SAMD4B: variants seen among roughly 807,000 people sequenced by gnomAD.
SAMD4B encodes sterile alpha motif domain containing 4B, also known as protein Smaug homolog 2.
In SAMD4B, 5 loss-of-function variants were observed where a neutral mutation model predicts 74.5. The ratio of observed to expected loss-of-function variants is 0.07; its 90% CI spans 0.04 to 0.14. SAMD4B has a LOEUF of 0.14. SAMD4B is among the 10% of genes least tolerant of loss of function. SAMD4B has a pLI of 1.00. For missense variants in SAMD4B, 608 were observed against 921.8 expected (o/e 0.66, Z 4.41); for synonymous variants, 373 against 374.9 (o/e 1.00, Z 0.06).
intron 3 of SAMD4B, among the ~76,000 whole-genome samples, chr19:39,361,351 T>C (rs939959444): frequency 1.3e-5 from 2 of 152,170 alleles, no homozygotes; most frequent in Admixed American, 1.3e-4. Context: ...GCGCCATGGC[T>C]CACACCTGTA....
chr19:39,344,672 C>G (rs1273330019), intron 1 of SAMD4B, among the ~76,000 whole-genome samples: 1 of 152,188 alleles, frequency 6.6e-6, no homozygotes, highest in Non-Finnish European at 1.5e-5. Flanking sequence ...CAGGGGGCCC[C>G]CTTTTCCCAT....
intron 3 of SAMD4B, among the ~76,000 whole-genome samples, chr19:39,361,228 T>G (rs1194497571): frequency 6.6e-6 from 1 of 152,142 alleles, no homozygotes; most frequent in Non-Finnish European, 1.5e-5. Context: ...ATGGACCAGT[T>G]AGAAAATCTT....
At chr19:39,388,098 A>G (rs1051892269), downstream of SAMD4B, among the ~76,000 whole-genome samples, 10 of 152,122 alleles carry the variant, frequency 6.6e-5, no homozygotes, top group Non-Finnish European at 1.3e-4. Context: ...CTGAGATCAC[A>G]CCACTGCACT....
intron 2 of SAMD4B, among the ~76,000 whole-genome samples, chr19:39,356,323 G>A (rs375777108): frequency 5.9e-5 from 9 of 152,212 alleles, no homozygotes; most frequent in African/African-American, 1.9e-4. Flanking sequence ...GGGCCAGATC[G>A]CCATCAATTC....
Position 39,383,543 on chromosome 19 carries a change from AGC to A in SAMD4B, c.*19_*20del. 1 of 1,614,226 alleles carries A rather than the reference AGC, an allele frequency of 6.2e-7. No homozygotes were observed. Among genetic ancestry groups the A allele is most frequent in the Non-Finnish European group, 8.5e-7 (1 of 1,180,040 alleles). ...CACCATCTGACGGGACCCACAGCCCAGCGCACCCATAGGCTCCCTGGGCGGCG... is the reference window on the plus strand; with the variant it reads ...CACCATCTGACGGGACCCACAGCCCAGCACCCATAGGCTCCCTGGGCGGCG... On this transcript the variant is annotated 3_prime_UTR_variant, in exon 14 of 14. Coordinates refer to ENST00000610417, the MANE Select transcript of SAMD4B (RefSeq NM_001384574.2). The surrounding 1 kb of genome is among the most constrained non-coding windows in gnomAD (Gnocchi z 4.1).
At position 39,369,876 on chromosome 19, in the gene SAMD4B, C is replaced by T; in HGVS notation, c.418C>T (p.Arg140Cys). 1.2e-6 allele frequency: 2 copies of T among 1,614,232 alleles called. No homozygotes were observed. Among genetic ancestry groups the T allele is most frequent in the Non-Finnish European group, 1.7e-6 (2 of 1,180,046 alleles). The change falls in exon 4 of 14, where the codon CGC (arginine) becomes TGC (cysteine). Residue 140 changes from arginine to cysteine, a missense_variant. By Grantham distance (180) the Arg-to-Cys change is radical. Coordinates refer to ENST00000610417, the MANE Select transcript of SAMD4B (RefSeq NM_001384574.2). ...CCACCCAGCCACCACACTGGAGGAC[C>T]GCAACGCACTGGCCCTCTGGCTGAG... ...LIHPATTLED[R>C]NALALWLSHL...
chr19:39,367,851 C>T (rs927775485), intron 3 of SAMD4B, among the ~76,000 whole-genome samples: 1 of 151,150 alleles, frequency 6.6e-6, no homozygotes, highest in Non-Finnish European at 1.5e-5. Context: ...TGTAACAGTT[C>T]CTACCCAAGC....
chr19:39,355,554 G>A (rs1192120241), intron 2 of SAMD4B, among the ~76,000 whole-genome samples: 1 of 152,150 alleles, frequency 6.6e-6, no homozygotes, highest in Non-Finnish European at 1.5e-5. Flanking sequence ...AGCCAGAGGG[G>A]GATGGAGCTG....
intron 1 of SAMD4B, among the ~76,000 whole-genome samples, chr19:39,345,942 T>C (rs1441957753): frequency 1.3e-5 from 2 of 152,156 alleles, no homozygotes; most frequent in Non-Finnish European, 2.9e-5. Flanking sequence ...GGACTTTCTT[T>C]GTGCTGTTTC....
intron 1 of SAMD4B, among the ~76,000 whole-genome samples, chr19:39,349,026 G>A (rs1467103178): frequency 1.3e-5 from 2 of 152,146 alleles, no homozygotes; most frequent in Non-Finnish European, 2.9e-5. Context: ...AAACAGGCAT[G>A]GCAAGGTGAA....
downstream of SAMD4B, among the ~76,000 whole-genome samples, chr19:39,390,662 G>A (rs754148087): frequency 6.6e-6 from 1 of 152,168 alleles, no homozygotes; most frequent in African/African-American, 2.4e-5. Context: ...ACGGCGGGGA[G>A]GAGGGGAACA....
rs1013573310 is a variant in SAMD4B at position 39,381,975 on chromosome 19, C to G, written c.1972+862C>G. ...GGGCAAAAGGAAGATTAGAGACTTG[C>G]TAACCGCAGGTCCCTGCCCTGCTCA... On this transcript the variant is annotated intron_variant, in intron 12 of 13. Coordinates refer to ENST00000610417, the MANE Select transcript of SAMD4B (RefSeq NM_001384574.2). Among the ~76,000 whole-genome samples, 5 of 152,180 alleles carry G rather than the reference C, an allele frequency of 3.3e-5. No homozygotes were observed. In the East Asian group the frequency reaches 9.6e-4, roughly 29 times the overall value.
Position 39,383,324 on chromosome 19 carries a change from C to A in SAMD4B, c.2056+33C>A. On this transcript the variant is annotated intron_variant, in intron 13 of 13. Transcript: ENST00000610417. This position sits in a 1 kb window ranked among gnomAD's most constrained non-coding sequence, Gnocchi z 4.1. The stretch of plus-strand genomic sequence containing the variant: ...TTTCCTCTTTCCCTGACCCAGCTCC[C>A]ACCTACCCAGCGTCTCTGCCTCTGA... 2 of 1,608,126 alleles carry A rather than the reference C, an allele frequency of 1.2e-6. No individual in the cohort carries two copies. The highest frequency in any genetic ancestry group is 1.1e-5 in the South Asian group (1 of 90,982).
chr19:39,370,203 C>T, intron 4 of SAMD4B, 78 bp downstream of exon 4: 2 of 1,347,002 alleles, frequency 1.5e-6, no homozygotes, highest in Non-Finnish European at 2.1e-6. Flanking sequence ...CTCTCTCGCT[C>T]TGTGGCATTA....
chr19:39,353,336 C>T (rs2076157831), intron 1 of SAMD4B, among the ~76,000 whole-genome samples: 1 of 152,118 alleles, frequency 6.6e-6, no homozygotes, highest in Admixed American at 6.5e-5. Flanking sequence ...TCACTTGCAA[C>T]TAGTGAAGTA....
At chr19:39,366,365 G>A (rs2076964365) in intron 3 of SAMD4B, among the ~76,000 whole-genome samples, 1 of 152,098 alleles carries the variant, frequency 6.6e-6, no homozygotes, top group Admixed American at 6.5e-5. Flanking sequence ...CAGCTACTTG[G>A]GAGGCCGAGG....
At chr19:39,389,357 G>A, downstream of SAMD4B, 1 of 1,614,104 alleles carries the variant, frequency 6.2e-7, no homozygotes, top group Non-Finnish European at 8.5e-7. The surrounding 1 kb of genome is among the most constrained non-coding windows in gnomAD (Gnocchi z 5.3). Context: ...TCGCATCCAT[G>A]GCACCACCTT....
chr19:39,385,809 T>C, downstream of SAMD4B: 1 of 858,152 alleles, frequency 1.2e-6, no homozygotes, highest in Non-Finnish European at 1.7e-6. Flanking sequence ...TTGCGGGAGG[T>C]ATGTGCTGGG....
At chr19:39,346,080 G>A (rs746969973) in intron 1 of SAMD4B, among the ~76,000 whole-genome samples, 1 of 152,116 alleles carries the variant, frequency 6.6e-6, no homozygotes, top group Non-Finnish European at 1.5e-5. Flanking sequence ...TTTTTTCAAG[G>A]GATTCTGTTT....
Sources: gnomAD v4.1 joint callset for allele counts (sites outside exome capture counted in the v4.1 genomes callset) on GRCh38, gnomAD v4.1.1 for gene constraint, Gnocchi (gnomAD v3.1) non-coding constraint, MANE v1.5 for transcripts, NCBI Gene and HGNC (gene_info 2026-07-23, HGNC 2026-07-21) for gene names.